NCOA7: variants seen among roughly 807,000 people sequenced by gnomAD.
NCOA7 encodes the protein 140 kDa estrogen receptor-associated protein.
Under a neutral mutation model 104.3 loss-of-function variants are expected in NCOA7, and 45 were observed. The observed-to-expected ratio is 0.43, with a 90% confidence interval of 0.34 to 0.55. The LOEUF is 0.55. Ranked by LOEUF, NCOA7 falls within the 20% of genes least tolerant of loss-of-function variation. The pLI, the probability that NCOA7 is intolerant of heterozygous loss-of-function variation, is 0.02. For synonymous variants in NCOA7, 398 were observed against 402.3 expected (o/e 0.99, Z 0.13); for missense variants, 1,041 against 1,119.7 (o/e 0.93, Z 1.00).
intron 3 of NCOA7, among the ~76,000 whole-genome samples, chr6:125,866,644 C>G (rs1293663740): frequency 6.6e-6 from 1 of 152,208 alleles, no homozygotes; most frequent in African/African-American, 2.4e-5. Context: ...GACCAGGACT[C>G]TCATTCACAG....
At chr6:125,788,735 G>A (rs185988439), upstream of NCOA7, among the ~76,000 whole-genome samples, 1,314 of 142,730 alleles carry the variant, frequency 9.2e-3, 20 homozygotes, top group African/African-American at 0.032. Context: ...GTAGAGATGC[G>A]GTTTCACCAT....
chr6:125,834,024 C>T (rs950836045), intron 2 of NCOA7, among the ~76,000 whole-genome samples: 2 of 151,930 alleles, frequency 1.3e-5, no homozygotes, highest in African/African-American at 4.8e-5. Context: ...TTTTTAAAAT[C>T]GTAATGCTTG....
At chr6:125,905,182 T>C (rs561203563) in intron 10 of NCOA7, among the ~76,000 whole-genome samples, 1 of 152,130 alleles carries the variant, frequency 6.6e-6, no homozygotes, top group African/African-American at 2.4e-5. Context: ...ATGACTGAGA[T>C]ACTGCTGATG....
At chr6:125,798,086 G>A (rs1204206521) in intron 1 of NCOA7, 1 of 152,212 alleles carries the variant, frequency 6.6e-6, no homozygotes, top group African/African-American at 2.4e-5. Context: ...GCTCACGAAG[G>A]GTAGGCTGGT....
chr6:125,782,049 A>G (rs1231307468), intron 1 of NCOA7, among the ~76,000 whole-genome samples: 1 of 152,220 alleles, frequency 6.6e-6, no homozygotes, highest in Non-Finnish European at 1.5e-5. Context: ...TCCACACTGT[A>G]TGTTTAAGCC....
chr6:125,927,874 C>T (rs1302325798), intron 14 of NCOA7, 116 bp downstream of exon 14: 3 of 892,764 alleles, frequency 3.4e-6, no homozygotes, highest in Admixed American at 3.7e-5. Flanking sequence ...TGACTCCGGG[C>T]TGGGTCAGCC....
chr6:125,884,051 C>G (rs1784068205), intron 7 of NCOA7, among the ~76,000 whole-genome samples: 1 of 152,162 alleles, frequency 6.6e-6, no homozygotes, highest in African/African-American at 2.4e-5. Flanking sequence ...CCATTCTACT[C>G]TCTACTTCTA....
intron 1 of NCOA7, among the ~76,000 whole-genome samples, chr6:125,792,914 T>C (rs1266187556): frequency 6.6e-6 from 1 of 152,252 alleles, no homozygotes; most frequent in Non-Finnish European, 1.5e-5. Flanking sequence ...TCTTTCAGTC[T>C]CTGCTTAACA....
At chr6:125,895,446 T>G (rs988796332) in intron 10 of NCOA7, among the ~76,000 whole-genome samples, 43 of 152,166 alleles carry the variant, frequency 2.8e-4, no homozygotes, top group Non-Finnish European at 7.4e-5. Flanking sequence ...AACATACAGA[T>G]AAGCCAAAAG....
intron 11 of NCOA7, among the ~76,000 whole-genome samples, chr6:125,920,520 G>A (rs1294919649): frequency 2.6e-5 from 4 of 152,162 alleles, no homozygotes; most frequent in Non-Finnish European, 5.9e-5. Flanking sequence ...CAGTGACCGA[G>A]CAATCAGCAG....
chr6:125,878,435 G>A, intron 5 of NCOA7, 65 bp downstream of exon 5: 3 of 1,069,994 alleles, frequency 2.8e-6, no homozygotes, highest in East Asian at 5.3e-5. Flanking sequence ...GCCGTTTTCA[G>A]TGCCTCACTA....
rs1787531855 is a variant in NCOA7, at chr6:125,921,047, G to A, written c.2349G>A (p.Leu783=). ...LPVLRPHSAL[L]ENMHIEQLAR... ...TCCTACGGCCCCACAGCGCGCTCCT[G>A]GAGAATATGCACATCGAGCAGGTGG... The change falls in exon 12 of 16, where the codon CTG becomes CTA. Residue 783 remains leucine, a synonymous_variant. Coordinates refer to ENST00000392477, the MANE Select transcript of NCOA7 (RefSeq NM_181782.5). The A allele has an allele frequency of 1.9e-6, 3 of 1,613,422 alleles. No individual in the cohort carries two copies. In the East Asian group the frequency reaches 6.7e-5, roughly 36 times the overall value.
chr6:125,914,876 T>G (rs990070102), intron 10 of NCOA7, among the ~76,000 whole-genome samples: 41 of 152,336 alleles, frequency 2.7e-4, no homozygotes, highest in Middle Eastern at 6.8e-3. Flanking sequence ...CACTTTCTAG[T>G]TGTCAAAGAT....
intron 2 of NCOA7, among the ~76,000 whole-genome samples, chr6:125,851,240 G>A (rs1391554050): frequency 1.3e-5 from 2 of 152,042 alleles, no homozygotes; most frequent in Admixed American, 6.5e-5. Context: ...TACCCAATAT[G>A]TAGTTTTTTA....
intron 2 of NCOA7, among the ~76,000 whole-genome samples, chr6:125,850,586 AGT>A (rs1325680460): frequency 2.0e-5 from 3 of 152,270 alleles, no homozygotes. Context: ...CCCAGATCTG[AGT>A]GAGTTTAATT....
At chr6:125,887,152 A>T (rs1784325401) in intron 8 of NCOA7, among the ~76,000 whole-genome samples, 1 of 152,248 alleles carries the variant, frequency 6.6e-6, no homozygotes, top group Admixed American at 6.5e-5. Flanking sequence ...TAGACAAGGT[A>T]ATCTAGAAAG....
intron 1 of NCOA7, among the ~76,000 whole-genome samples, chr6:125,806,289 C>T (rs1389234942): frequency 1.3e-5 from 2 of 152,024 alleles, no homozygotes; most frequent in African/African-American, 2.4e-5. Flanking sequence ...TACCGTGAGC[C>T]GAGATCGTGG....
At chr6:125,874,046 C>T (rs772456334) in intron 3 of NCOA7, among the ~76,000 whole-genome samples, 1 of 152,142 alleles carries the variant, frequency 6.6e-6, no homozygotes, top group South Asian at 2.1e-4. Flanking sequence ...GAAATCTGGC[C>T]GGATGTGGTG....
chr6:125,788,698 A>ATTTTTTTTTTTTTTTTTT (rs60048395), upstream of NCOA7, among the ~76,000 whole-genome samples: 18 of 121,912 alleles, frequency 1.5e-4, no homozygotes, highest in East Asian at 1.2e-3. Flanking sequence ...CACCCAGCTA[A>ATTTTTTTTTTTTTTTTTT]TTTTTTTTTT....
Sources: gnomAD v4.1 joint callset for allele counts (sites outside exome capture counted in the v4.1 genomes callset) on GRCh38, gnomAD v4.1.1 for gene constraint, MANE v1.5 for transcripts, NCBI Gene and HGNC (gene_info 2026-07-23, HGNC 2026-07-21) for gene names.